The following CRB1 variants were observed in gnomAD, a reference collection of about 807,000 sequenced individuals.
The protein encoded by CRB1 is crumbs cell polarity complex component 1.
In CRB1, 83 loss-of-function variants were observed where a neutral mutation model predicts 120.0. The ratio of observed to expected loss-of-function variants is 0.69; its 90% CI spans 0.58 to 0.83. CRB1 has a LOEUF of 0.83. CRB1 is among the 40% of genes least tolerant of loss of function. The pLI, the probability that CRB1 is intolerant of heterozygous loss-of-function variation, is 0.00. For synonymous variants in CRB1, 625 were observed against 612.5 expected (o/e 1.02, Z -0.30); for missense variants, 1,699 against 1,687.6 (o/e 1.01, Z -0.12).
chr1:197,380,009 C>T (rs1423132860), intron 5 of CRB1, among the ~76,000 whole-genome samples: 2 of 152,146 alleles, frequency 1.3e-5, no homozygotes, highest in Admixed American at 6.5e-5. Context: ...TAATACATGA[C>T]CATCTCACTT....
intron 2 of CRB1, among the ~76,000 whole-genome samples, chr1:197,342,417 C>T (rs962378365): frequency 1.3e-5 from 2 of 152,152 alleles, no homozygotes; most frequent in Non-Finnish European, 2.9e-5. Flanking sequence ...TTGTTTTTGA[C>T]CTTCAACTTT....
At chr1:197,383,976 A>G (rs1662085617) in intron 5 of CRB1, among the ~76,000 whole-genome samples, 1 of 152,212 alleles carries the variant, frequency 6.6e-6, no homozygotes, top group African/African-American at 2.4e-5. Context: ...AAATAAGTTT[A>G]ATGCAGAAGT....
intron 5 of CRB1, among the ~76,000 whole-genome samples, chr1:197,363,617 C>T (rs987338812): frequency 6.6e-6 from 1 of 152,046 alleles, no homozygotes; most frequent in East Asian, 1.9e-4. Flanking sequence ...AAGGCCGGCT[C>T]GGCAGGAAGG....
chr1:197,244,775 C>G, the CRB1 span, among the ~76,000 whole-genome samples: 1 of 151,566 alleles, frequency 6.6e-6, no homozygotes, highest in Non-Finnish European at 1.5e-5. Context: ...CATCTATTTC[C>G]CCTCTCTTTC....
chr1:197,306,540 C>T (rs1657185161), intron 1 of CRB1, among the ~76,000 whole-genome samples: 1 of 152,082 alleles, frequency 6.6e-6, no homozygotes, highest in African/African-American at 2.4e-5. Context: ...AGGCAAAAAG[C>T]CTGTCATATC....
the CRB1 span, among the ~76,000 whole-genome samples, chr1:197,261,478 C>G: frequency 3.9e-5 from 6 of 152,216 alleles, no homozygotes; most frequent in African/African-American, 1.4e-4. Context: ...GTGAGAAAAG[C>G]AAGTTGCAGA....
chr1:197,258,408 G>A, the CRB1 span, among the ~76,000 whole-genome samples: 63 of 152,164 alleles, frequency 4.1e-4, no homozygotes, highest in South Asian at 0.013. Context: ...TGCACTTACT[G>A]TCTCTACTTG....
chr1:197,245,950 C>G, the CRB1 span, among the ~76,000 whole-genome samples: 1 of 152,040 alleles, frequency 6.6e-6, no homozygotes, highest in African/African-American at 2.4e-5. Flanking sequence ...GGGTATATGT[C>G]CTCACTGACG....
intron 1 of CRB1, among the ~76,000 whole-genome samples, chr1:197,288,126 G>A (rs1272319841): frequency 6.6e-6 from 1 of 151,862 alleles, no homozygotes; most frequent in Non-Finnish European, 1.5e-5. Context: ...GAGCTGCACA[G>A]AGACAGACCA....
intron 1 of CRB1, among the ~76,000 whole-genome samples, chr1:197,316,443 A>G (rs541632398): frequency 3.9e-5 from 6 of 152,222 alleles, no homozygotes; most frequent in African/African-American, 1.2e-4. Flanking sequence ...TCGGCCTCCC[A>G]AAGTGCTGGG....
At chr1:197,418,176 T>C (rs1166178194) in intron 5 of CRB1, among the ~76,000 whole-genome samples, 1 of 152,206 alleles carries the variant, frequency 6.6e-6, no homozygotes, top group East Asian at 1.9e-4. Flanking sequence ...CAAATACTTG[T>C]TATTAATTTT....
rs200202087 is a variant in CRB1, at chr1:197,421,283, A to G, written c.1455A>G (p.Thr485=). 2 of 1,614,162 alleles carry G rather than the reference A, an allele frequency of 1.2e-6. No individual in the cohort carries two copies. Among genetic ancestry groups the G allele is most frequent in the East Asian group, 2.2e-5 (1 of 44,880 alleles). The change falls in exon 6 of 12, where the codon ACA becomes ACG. Residue 485 remains threonine (T), a synonymous_variant. Coordinates refer to ENST00000367400, the MANE Select transcript of CRB1 (RefSeq NM_201253.3). ...YTGSLCEIAT[T]LSFEGDGFLW... Reference sequence around the variant, plus strand: ...GGTCCCTGTGTGAAATCGCAACCACACTTTCATTTGAGGGCGATGGCTTCC... The same window carrying G: ...GGTCCCTGTGTGAAATCGCAACCACGCTTTCATTTGAGGGCGATGGCTTCC...
intron 5 of CRB1, among the ~76,000 whole-genome samples, chr1:197,385,403 C>A (rs114069609): frequency 6.6e-6 from 1 of 151,952 alleles, no homozygotes; most frequent in Non-Finnish European, 1.5e-5. Context: ...AACTATATGT[C>A]TAATATGTAA....
rs1302750453 is a variant in CRB1, at chr1:197,328,558, C to T, written c.207C>T (p.Asn69=). The T allele has an allele frequency of 1.9e-6, 3 of 1,614,088 alleles. No homozygotes were observed. The highest frequency in any genetic ancestry group is 1.3e-5 in the African/African-American group (1 of 74,930). The change falls in exon 2 of 12, where the codon AAC becomes AAT. Residue 69 remains asparagine, a synonymous_variant. Transcript: ENST00000367400. ...TANNLDKDCD[N]MKDPCFSNPC... Reference sequence around the variant, plus strand: ...ATAATTTGGACAAAGACTGTGACAACATGAAAGACCCTTGCTTCTCCAATC... The same window carrying T: ...ATAATTTGGACAAAGACTGTGACAATATGAAAGACCCTTGCTTCTCCAATC...
the CRB1 span, among the ~76,000 whole-genome samples, chr1:197,234,578 T>C: frequency 6.6e-6 from 1 of 152,226 alleles, no homozygotes. Context: ...TTAACAAATA[T>C]AGATCCCCAG....
chr1:197,399,700 A>G (rs546452903), intron 5 of CRB1, among the ~76,000 whole-genome samples: 2 of 152,274 alleles, frequency 1.3e-5, no homozygotes, highest in Non-Finnish European at 2.9e-5. Flanking sequence ...CATGGCTACA[A>G]TCAAAGTGTC....
At chr1:197,405,302 T>C (rs1663295719) in intron 5 of CRB1, among the ~76,000 whole-genome samples, 1 of 152,156 alleles carries the variant, frequency 6.6e-6, no homozygotes, top group African/African-American at 2.4e-5. Flanking sequence ...GGTCTCCAGC[T>C]CCTAACCGCG....
intron 4 of CRB1, among the ~76,000 whole-genome samples, chr1:197,351,231 A>T (rs1258699348): frequency 2.7e-5 from 4 of 149,452 alleles, no homozygotes; most frequent in Non-Finnish European, 1.5e-5. Flanking sequence ...GTGGTGTTGC[A>T]TGCCTGTAGT....
intron 1 of CRB1, among the ~76,000 whole-genome samples, chr1:197,313,087 G>C (rs2125276120): frequency 6.6e-6 from 1 of 152,260 alleles, no homozygotes; most frequent in African/African-American, 2.4e-5. Context: ...TACAATCATG[G>C]CCAAAGGTGA....
Sources: gnomAD v4.1 joint callset for allele counts (sites outside exome capture counted in the v4.1 genomes callset) on GRCh38, gnomAD v4.1.1 for gene constraint, MANE v1.5 for transcripts, NCBI Gene and HGNC (gene_info 2026-07-23, HGNC 2026-07-21) for gene names.